The following CPLX2 variants were observed in gnomAD, a reference collection of about 807,000 sequenced individuals.
The protein encoded by CPLX2 is complexin-2.
CPLX2 carries 5 observed loss-of-function variants against 16.3 expected under a neutral mutation model. The ratio of observed to expected loss-of-function variants is 0.31; its 90% CI spans 0.16 to 0.64. The LOEUF is 0.64. CPLX2 is among the 30% of genes least tolerant of loss of function. CPLX2 has a pLI of 0.79. For synonymous variants in CPLX2, 89 were observed against 73.2 expected, an observed-to-expected ratio of 1.22 and a Z score of -1.10; for missense variants, 144 against 181.4, an observed-to-expected ratio of 0.79 and a Z score of 1.18.
At chr5:175,879,799 C>T (rs751797300) in intron 3 of CPLX2, 49 bp from the exon 4 acceptor site, 32 of 1,550,448 alleles carry the variant, frequency 2.1e-5, no homozygotes, top group Non-Finnish European at 2.8e-5. Flanking sequence ...CTCCTGCTGT[C>T]TCCTTGCCCA....
At chr5:175,850,500 C>T (rs1759131043) in intron 2 of CPLX2, among the ~76,000 whole-genome samples, 1 of 152,192 alleles carries the variant, frequency 6.6e-6, no homozygotes, top group African/African-American at 2.4e-5. Context: ...CTCTGGCCAA[C>T]ACACCTGCAC....
rs186009176 is a variant in CPLX2, at chr5:175,808,492, G to A, written c.-168-497G>A. ...GTGTAAAAAAAAAATCTTCACAGAC[G>A]TGGTCTTATTTAACAACAGCAATCA... On this transcript the variant is annotated intron_variant, in intron 1 of 4. Coordinates refer to the CPLX2 transcript ENST00000359546. Among the ~76,000 whole-genome samples the A allele has an allele frequency of 4.7e-3, 722 of 152,072 alleles. 5 individuals carry two copies. Among genetic ancestry groups the A allele is most frequent in the South Asian group, 0.025 (122 of 4,814 alleles).
upstream of CPLX2, among the ~76,000 whole-genome samples, chr5:175,867,041 C>T (rs1759490672): frequency 6.6e-6 from 1 of 152,264 alleles, no homozygotes; most frequent in African/African-American, 2.4e-5. Context: ...TACCACTGCA[C>T]TCCAGCCTGG....
rs924200819 is a variant in CPLX2 at position 175,883,783 on chromosome 5, G to C, written c.*3738G>C. On this transcript the variant is annotated 3_prime_UTR_variant, in exon 4 of 4. Coordinates refer to ENST00000393745, the MANE Select transcript of CPLX2 (RefSeq NM_001008220.2). ...GGGTGGGAGCGGGGAGTCCTGGTGA[G>C]ACCCCGGTGAGATGGACCATCCTGC... 2 of 152,806 alleles carry C rather than the reference G, an allele frequency of 1.3e-5. No individual in the cohort carries two copies. Among genetic ancestry groups the C allele is most frequent in the African/African-American group, 4.8e-5 (2 of 41,444 alleles). The allele number at this position is 152,806 out of a possible 1,614,324, so 9.5% of individuals were successfully genotyped here.
intron 2 of CPLX2, among the ~76,000 whole-genome samples, chr5:175,860,485 GAAAGAAAGAAAGA>G (rs1469556789): frequency 1.1e-5 from 1 of 90,270 alleles, no homozygotes; most frequent in South Asian, 3.7e-4. Context: ...AAAGAAGAAA[GAAAGAAAGAAAGA>G]AAAGAAAGAA....
rs1759651545 is a variant in CPLX2, at chr5:175,872,474, C to T, written c.-89+769C>T. On this transcript the variant is annotated intron_variant, in intron 1 of 3. Coordinates refer to ENST00000393745, the MANE Select transcript of CPLX2 (RefSeq NM_001008220.2). This position sits in a 1 kb window ranked among gnomAD's most constrained non-coding sequence, Gnocchi z 5.0. ...GCTATGTGTGTTGGGGGAAGGGGCGCTCTCCGTGGCCCACCGGGAGATCCA... is the reference window on the plus strand; with the variant it reads ...GCTATGTGTGTTGGGGGAAGGGGCGTTCTCCGTGGCCCACCGGGAGATCCA... Among the ~76,000 whole-genome samples the T allele has an allele frequency of 5.3e-5, 8 of 152,110 alleles. No individual in the cohort carries two copies. The South Asian group carries it at 1.7e-3, about 32-fold the overall frequency.
At chr5:175,857,902 G>A (rs1581094960) in intron 2 of CPLX2, among the ~76,000 whole-genome samples, 2 of 152,356 alleles carry the variant, frequency 1.3e-5, no homozygotes, top group Middle Eastern at 6.8e-3. Flanking sequence ...GCACGAAGGT[G>A]CTGGTCTCTG....
chr5:175,807,256 C>A (rs1013206973), intron 1 of CPLX2, among the ~76,000 whole-genome samples: 20 of 152,240 alleles, frequency 1.3e-4, no homozygotes, highest in African/African-American at 4.8e-4. Flanking sequence ...AACATGTGTT[C>A]TGCCCACTCT....
chr5:175,824,866 T>G (rs527478597), intron 2 of CPLX2, among the ~76,000 whole-genome samples: 47 of 152,204 alleles, frequency 3.1e-4, no homozygotes, highest in Admixed American at 2.5e-3. Context: ...ACCGTGAAAC[T>G]TTTTCCACCT....
chr5:175,848,929 G>A lies in CPLX2; in HGVS notation c.-88-29723G>A, dbSNP rs77167097. Among the ~76,000 whole-genome samples the A allele has an allele frequency of 3.6e-3, 551 of 152,310 alleles. 6 individuals carry two copies. Among genetic ancestry groups the A allele is most frequent in the African/African-American group, 0.013 (523 of 41,562 alleles). ...CGTGTGGCTGAAGCAGAGTGAGCCGGGGAGAGCAGAAGGAAAGGAGGGCAT... is the reference window on the plus strand; with the variant it reads ...CGTGTGGCTGAAGCAGAGTGAGCCGAGGAGAGCAGAAGGAAAGGAGGGCAT... On this transcript the variant is annotated intron_variant, in intron 2 of 4. Coordinates refer to the CPLX2 transcript ENST00000359546.
intron 2 of CPLX2, among the ~76,000 whole-genome samples, chr5:175,843,122 C>T (rs560549861): frequency 6.6e-6 from 1 of 152,278 alleles, no homozygotes; most frequent in East Asian, 1.9e-4. Flanking sequence ...GAGGGCCAGT[C>T]GGTCAGGCAG....
intron 2 of CPLX2, among the ~76,000 whole-genome samples, chr5:175,836,323 C>G (rs376293907): frequency 1.1e-4 from 16 of 152,232 alleles, no homozygotes; most frequent in East Asian, 9.7e-4. Context: ...GCACTCCAGC[C>G]TGGGCGACAG....
At chr5:175,827,396 C>T (rs1285753423) in intron 2 of CPLX2, among the ~76,000 whole-genome samples, 1 of 152,188 alleles carries the variant, frequency 6.6e-6, no homozygotes, top group East Asian at 1.9e-4. Flanking sequence ...GGCCCCTCTT[C>T]TTTCCAGCAT....
intron 2 of CPLX2, among the ~76,000 whole-genome samples, chr5:175,823,275 G>A (rs1039480761): frequency 6.6e-6 from 1 of 152,200 alleles, no homozygotes; most frequent in African/African-American, 2.4e-5. Flanking sequence ...AATGATGGAT[G>A]GAGGGATGGA....
chr5:175,859,841 T>G (rs1329870933), intron 2 of CPLX2, among the ~76,000 whole-genome samples: 1 of 152,182 alleles, frequency 6.6e-6, no homozygotes, highest in East Asian at 1.9e-4. Context: ...TATTAAATGG[T>G]GGGGCTTCCC....
chr5:175,858,569 G>A (rs573270772), intron 2 of CPLX2, among the ~76,000 whole-genome samples: 190 of 152,332 alleles, frequency 1.2e-3, no homozygotes, highest in Middle Eastern at 6.8e-3. Context: ...CCTCCAACCT[G>A]AGGGGCGAAG....
chr5:175,815,495 C>G (rs901452859), intron 2 of CPLX2, among the ~76,000 whole-genome samples: 4 of 152,132 alleles, frequency 2.6e-5, no homozygotes, highest in African/African-American at 9.7e-5. Context: ...AGGCACGGGG[C>G]CCCAGGGTTG....
chr5:175,880,036 C>T lies in CPLX2; in HGVS notation c.396C>T (p.Phe132=). The change falls in exon 4 of 4, where the codon TTC becomes TTT. Residue 132 remains phenylalanine, a synonymous_variant. Coordinates refer to ENST00000393745, the MANE Select transcript of CPLX2 (RefSeq NM_001008220.2). The part of the protein sequence containing the change: ...KYLPGPLQDM[F]KK ...TGCCCGGGCCGCTGCAGGACATGTT[C>T]AAGAAGTAACCAGGCCTCCTGCCCC... The T allele has an allele frequency of 6.2e-7, 1 of 1,612,242 alleles. No individual in the cohort carries two copies. The highest frequency in any genetic ancestry group is 8.5e-7 in the Non-Finnish European group (1 of 1,179,176).
chr5:175,861,269 C>A (rs1343771806), intron 2 of CPLX2, among the ~76,000 whole-genome samples: 1 of 152,186 alleles, frequency 6.6e-6, no homozygotes, highest in Admixed American at 6.5e-5. Flanking sequence ...ATGAGCAAGG[C>A]ATGCACTTGC....
Sources: gnomAD v4.1 joint callset for allele counts (sites outside exome capture counted in the v4.1 genomes callset) on GRCh38, gnomAD v4.1.1 for gene constraint, Gnocchi (gnomAD v3.1) non-coding constraint, MANE v1.5 for transcripts, NCBI Gene and HGNC (gene_info 2026-07-23, HGNC 2026-07-21) for gene names.